RANBP2: variants seen among roughly 807,000 people sequenced by gnomAD.
The protein encoded by RANBP2 is E3 SUMO-protein ligase RanBP2.
In RANBP2, 57 loss-of-function variants were observed where a neutral mutation model predicts 303.6. The observed-to-expected ratio is 0.19, with a 90% CI of 0.15 to 0.23. RANBP2 has a LOEUF of 0.23. Ranked by LOEUF, RANBP2 falls within the 10% of genes least tolerant of loss-of-function variation. The probability of loss-of-function intolerance (pLI) is 1.00; values close to 1 mark genes in which losing one functional copy is unlikely to be tolerated. For synonymous variants in RANBP2, 1,167 were observed against 1,301.5 expected, an observed-to-expected ratio of 0.90 and a Z score of 2.23; for missense variants, 3,138 against 3,780.8, an observed-to-expected ratio of 0.83 and a Z score of 4.46.
At chr2:109,568,305 C>CA in the RANBP2 span, among the ~76,000 whole-genome samples, 1 of 151,854 alleles carries the variant, frequency 6.6e-6, no homozygotes, top group Non-Finnish European at 1.5e-5. Flanking sequence ...AACCCTGACC[C>CA]AGATGGCCAT....
the RANBP2 span, among the ~76,000 whole-genome samples, chr2:109,663,736 T>G: frequency 2.0e-5 from 3 of 152,184 alleles, no homozygotes; most frequent in Non-Finnish European, 2.9e-5. Flanking sequence ...CCAGGAACAC[T>G]TGAGGCAAAA....
chr2:108,910,198 T>G, the RANBP2 span, among the ~76,000 whole-genome samples: 3 of 152,192 alleles, frequency 2.0e-5, no homozygotes, highest in Non-Finnish European at 4.4e-5. Context: ...AATTCGGATG[T>G]TAAGGAGGAA....
the RANBP2 span, among the ~76,000 whole-genome samples, chr2:109,474,739 A>G: frequency 3.9e-5 from 6 of 152,228 alleles, no homozygotes; most frequent in Non-Finnish European, 2.9e-5. Flanking sequence ...ACAGTGGGGC[A>G]GAGCCAGATG....
the RANBP2 span, among the ~76,000 whole-genome samples, chr2:108,977,190 CCT>C: frequency 6.6e-6 from 1 of 152,202 alleles, no homozygotes; most frequent in Non-Finnish European, 1.5e-5. Flanking sequence ...GCCCTGCACC[CCT>C]GACCACCCCA....
chr2:108,913,231 G>GCA, the RANBP2 span, among the ~76,000 whole-genome samples: 1 of 152,118 alleles, frequency 6.6e-6, no homozygotes, highest in Non-Finnish European at 1.5e-5. Flanking sequence ...TTACAGGCAT[G>GCA]AGCCACCGCG....
the RANBP2 span, among the ~76,000 whole-genome samples, chr2:109,375,453 T>G: frequency 6.6e-6 from 1 of 151,944 alleles, no homozygotes; most frequent in African/African-American, 2.4e-5. Context: ...CAGAGAGGAG[T>G]GGGCCTGGCC....
the RANBP2 span, among the ~76,000 whole-genome samples, chr2:109,662,578 C>G: frequency 6.6e-6 from 1 of 152,028 alleles, no homozygotes; most frequent in Non-Finnish European, 1.5e-5. Flanking sequence ...AGCCACCATG[C>G]CTGGCTAATT....
At chr2:108,999,742 T>C in the RANBP2 span, among the ~76,000 whole-genome samples, 2 of 152,166 alleles carry the variant, frequency 1.3e-5, no homozygotes, top group East Asian at 1.9e-4. Flanking sequence ...AAAGATTAAG[T>C]AGTTTTTTAA....
At chr2:108,739,361 C>T (rs1366854539) in intron 6 of RANBP2, among the ~76,000 whole-genome samples, 2 of 152,258 alleles carry the variant, frequency 1.3e-5, no homozygotes, top group East Asian at 3.9e-4. Flanking sequence ...CAAGATTGTG[C>T]CACTGCACTC....
At chr2:108,848,695 T>C in the RANBP2 span, among the ~76,000 whole-genome samples, 1 of 152,250 alleles carries the variant, frequency 6.6e-6, no homozygotes, top group South Asian at 2.1e-4. Context: ...TTATAACAAG[T>C]AAAACAGCAA....
the RANBP2 span, among the ~76,000 whole-genome samples, chr2:109,523,512 T>C: frequency 2.0e-5 from 3 of 152,194 alleles, no homozygotes; most frequent in African/African-American, 7.2e-5. Flanking sequence ...ATACACACGC[T>C]GTTCCATTGA....
chr2:109,165,379 A>G, the RANBP2 span, among the ~76,000 whole-genome samples: 1 of 152,084 alleles, frequency 6.6e-6, no homozygotes, highest in African/African-American at 2.4e-5. Flanking sequence ...CTGTCCATTG[A>G]CAGGGTGGTT....
chr2:109,453,295 C>T, the RANBP2 span, among the ~76,000 whole-genome samples: 1 of 152,220 alleles, frequency 6.6e-6, no homozygotes, highest in Non-Finnish European at 1.5e-5. Flanking sequence ...TGGCCAGGCC[C>T]CCAACACCCA....
the RANBP2 span, among the ~76,000 whole-genome samples, chr2:108,830,941 G>A: frequency 6.6e-6 from 1 of 152,120 alleles, no homozygotes. Context: ...TTGGGATGCC[G>A]AGGCAGGCAG....
the RANBP2 span, among the ~76,000 whole-genome samples, chr2:109,469,951 C>G: frequency 6.6e-6 from 1 of 152,136 alleles, no homozygotes; most frequent in Non-Finnish European, 1.5e-5. Context: ...CCAGGACATG[C>G]GAGCTATAAG....
At chr2:109,466,072 CT>C in the RANBP2 span, among the ~76,000 whole-genome samples, 845 of 82,300 alleles carry the variant, frequency 0.01, 2 homozygotes, top group African/African-American at 0.034. Flanking sequence ...ACCTGTACAT[CT>C]TTTTTTTTTT....
At chr2:109,188,652 G>A in the RANBP2 span, among the ~76,000 whole-genome samples, 1 of 152,190 alleles carries the variant, frequency 6.6e-6, no homozygotes, top group Non-Finnish European at 1.5e-5. Context: ...TGCATGCCGA[G>A]GGCTGGAATG....
chr2:109,662,328 C>G, the RANBP2 span, among the ~76,000 whole-genome samples: 1 of 152,108 alleles, frequency 6.6e-6, no homozygotes, highest in Admixed American at 6.6e-5. Context: ...CTCTTGTCAC[C>G]CAGGCTGGAG....
chr2:109,234,957 C>T, the RANBP2 span, among the ~76,000 whole-genome samples: 1 of 152,186 alleles, frequency 6.6e-6, no homozygotes, highest in African/African-American at 2.4e-5. Context: ...CTAACCTCAG[C>T]ACCTGTTGTC....
Sources: gnomAD v4.1 joint callset for allele counts (sites outside exome capture counted in the v4.1 genomes callset) on GRCh38, gnomAD v4.1.1 for gene constraint, MANE v1.5 for transcripts, NCBI Gene and HGNC (gene_info 2026-07-23, HGNC 2026-07-21) for gene names.